The following SPIN1 variants were observed in gnomAD, a reference collection of about 807,000 sequenced individuals.
SPIN1 encodes spindlin 1.
Under a neutral mutation model 26.0 loss-of-function variants are expected in SPIN1, and 3 were observed. That is an observed-to-expected ratio of 0.12 (90% CI 0.05 to 0.30). The LOEUF (loss-of-function observed/expected upper bound fraction) is 0.30. Among genes scored for constraint, SPIN1 ranks in the 10% least tolerant of loss-of-function variants. SPIN1 has a pLI of 1.00. For synonymous variants in SPIN1, 101 were observed against 116.5 expected, an observed-to-expected ratio of 0.87 and a Z score of 0.86; for missense variants, 126 against 333.4, an observed-to-expected ratio of 0.38 and a Z score of 4.84.
At chr9:88,438,394 CGTT>C (rs1564032866) in intron 2 of SPIN1, among the ~76,000 whole-genome samples, 1 of 152,072 alleles carries the variant, frequency 6.6e-6, no homozygotes, top group Non-Finnish European at 1.5e-5. Context: ...AGTTTAATTA[CGTT>C]GTTGTATGAC....
intron 1 of SPIN1, chr9:88,411,245 T>C: frequency 8.7e-7 from 1 of 1,144,546 alleles, no homozygotes; most frequent in Non-Finnish European, 1.3e-6. Flanking sequence ...TGGCCTTGCA[T>C]TCATGGCTGC....
intron 1 of SPIN1, among the ~76,000 whole-genome samples, chr9:88,403,673 C>T (rs1219512409): frequency 3.3e-5 from 5 of 152,148 alleles, no homozygotes; most frequent in African/African-American, 4.8e-5. Flanking sequence ...CTGATCATAC[C>T]GCTGCACTTA....
intron 1 of SPIN1, among the ~76,000 whole-genome samples, chr9:88,420,297 C>T (rs138125551): frequency 2.6e-5 from 4 of 152,358 alleles, no homozygotes; most frequent in African/African-American, 7.2e-5. Flanking sequence ...ATAACTTGAA[C>T]CTGGGAGGCG....
chr9:88,399,522 A>T lies in SPIN1; in HGVS notation c.-159+10984A>T, dbSNP rs527579119. ...TTCCTGCTTGTGTGGGTGGCCTGTA[A>T]GAGTTGGATCCTTGGCAAATGTAGC... On this transcript the variant is annotated intron_variant, in intron 1 of 5. Transcript: ENST00000375859. Among the ~76,000 whole-genome samples the T allele has an allele frequency of 1.8e-4, 27 of 152,224 alleles. No homozygotes were observed. In the South Asian group the frequency reaches 5.2e-3, roughly 29 times the overall value.
chr9:88,410,113 T>C (rs1827404813), intron 1 of SPIN1, among the ~76,000 whole-genome samples: 1 of 152,040 alleles, frequency 6.6e-6, no homozygotes, highest in Admixed American at 6.6e-5. Flanking sequence ...CCTGTCTCTC[T>C]GATACCTTAC....
Position 88,476,719 on chromosome 9 carries a change from A to G in SPIN1, c.*1442A>G, listed in dbSNP as rs1828894984. The G allele has an allele frequency of 6.6e-6, 1 of 152,230 alleles. No individual in the cohort carries two copies. The highest frequency in any genetic ancestry group is 1.5e-5 in the Non-Finnish European group (1 of 68,050). 9.4% of individuals were successfully genotyped at this position (152,230 alleles called of 1,614,324 possible). A position where few individuals can be genotyped will look rare whatever the true frequency, so the allele number is the denominator to read the frequency against. On this transcript the variant is annotated 3_prime_UTR_variant, in exon 6 of 6. Transcript: ENST00000375859. ...TGCTAGTGTGATTGGTTGATCAGCA[A>G]AACAGCTGCTCTCATTTTGTTTTGG...
intron 1 of SPIN1, among the ~76,000 whole-genome samples, chr9:88,421,038 T>G (rs1381762454): frequency 6.6e-6 from 1 of 152,240 alleles, no homozygotes; most frequent in East Asian, 1.9e-4. Context: ...TTAAGATCCT[T>G]AAACCACATT....
intron 5 of SPIN1, among the ~76,000 whole-genome samples, chr9:88,469,160 A>G (rs768755122): frequency 2.0e-5 from 3 of 152,150 alleles, no homozygotes; most frequent in East Asian, 1.9e-4. Flanking sequence ...TTAGATTCCC[A>G]TAAGGAACAC....
At position 88,423,434 on chromosome 9, in the gene SPIN1, T is replaced by TTTTGTTTG. The variant is rs141940848; in HGVS notation, c.-158-2932_-158-2925dup. On this transcript the variant is annotated intron_variant, in intron 1 of 5. Transcript: ENST00000375859. ...AATACTACATTATGGTTTGTGGGTT[T>TTTTGTTTG]TTTGTTTGTTTGTTTGTTTGTTTTG... Among the ~76,000 whole-genome samples, 368 of 151,756 alleles carry TTTTGTTTG rather than the reference T, an allele frequency of 2.4e-3. 1 individual carries two copies. The highest frequency in any genetic ancestry group is 3.0e-3 in the Non-Finnish European group (207 of 67,966).
chr9:88,435,181 C>G (rs1587796710), intron 2 of SPIN1, among the ~76,000 whole-genome samples: 1 of 151,870 alleles, frequency 6.6e-6, no homozygotes, highest in East Asian at 1.9e-4. Flanking sequence ...AGATTGCCCT[C>G]CATCGACTCT....
chr9:88,465,274 GT>G (rs1293338420), intron 4 of SPIN1, among the ~76,000 whole-genome samples: 1 of 152,160 alleles, frequency 6.6e-6, no homozygotes, highest in Non-Finnish European at 1.5e-5. Flanking sequence ...GCTTTCAGTT[GT>G]TTTGGATATA....
intron 1 of SPIN1, among the ~76,000 whole-genome samples, chr9:88,392,905 T>C (rs1386907206): frequency 6.6e-6 from 1 of 152,168 alleles, no homozygotes; most frequent in Non-Finnish European, 1.5e-5. Flanking sequence ...AAATTCTGCA[T>C]GTAACATTAA....
chr9:88,417,539 C>T (rs962027540), intron 1 of SPIN1, among the ~76,000 whole-genome samples: 1 of 151,184 alleles, frequency 6.6e-6, no homozygotes, highest in African/African-American at 2.4e-5. Context: ...GTGGTGTGAT[C>T]TCGGCCCACT....
chr9:88,392,652 C>T (rs1826953224), intron 1 of SPIN1, among the ~76,000 whole-genome samples: 1 of 151,950 alleles, frequency 6.6e-6, no homozygotes, highest in Non-Finnish European at 1.5e-5. Flanking sequence ...CCCTCTTTTT[C>T]TACCTATCTA....
At chr9:88,459,852 T>C (rs1219459103) in intron 3 of SPIN1, among the ~76,000 whole-genome samples, 1 of 152,202 alleles carries the variant, frequency 6.6e-6, no homozygotes, top group Non-Finnish European at 1.5e-5. Context: ...TGAAGGTCAG[T>C]GTACCTTCTT....
Position 88,475,593 on chromosome 9 carries a change from A to C in SPIN1, c.*316A>C, listed in dbSNP as rs1587820663. ...CTTAACCATTTTCCCCCTCACCCTA[A>C]CTCTCTTATTCTGCCGCCACAATGC... On this transcript the variant is annotated 3_prime_UTR_variant, in exon 6 of 6. Transcript: ENST00000375859. 4.6e-6 allele frequency: 1 copy of C among 217,436 alleles called. No individual in the cohort carries two copies. The highest frequency in any genetic ancestry group is 9.2e-6 in the Non-Finnish European group (1 of 108,230). 13.5% of individuals were successfully genotyped at this position (217,436 alleles called of 1,614,324 possible). A position where few individuals can be genotyped will look rare whatever the true frequency, so the allele number is the denominator to read the frequency against.
At chr9:88,396,887 C>G (rs1827073951) in intron 1 of SPIN1, among the ~76,000 whole-genome samples, 2 of 152,016 alleles carry the variant, frequency 1.3e-5, no homozygotes, top group Admixed American at 1.3e-4. Flanking sequence ...TATTGGAACA[C>G]AGTGCTGTGT....
At chr9:88,464,155 A>G (rs1828617907) in intron 4 of SPIN1, among the ~76,000 whole-genome samples, 1 of 152,244 alleles carries the variant, frequency 6.6e-6, no homozygotes, top group Admixed American at 6.5e-5. Context: ...GCAATATAAA[A>G]AGAAACCCAA....
chr9:88,396,048 A>G (rs111819543), intron 1 of SPIN1, among the ~76,000 whole-genome samples: 2 of 151,362 alleles, frequency 1.3e-5, no homozygotes, highest in Admixed American at 1.3e-4. Context: ...CTCCGTCTCA[A>G]AAACAACAGC....
Sources: allele counts gnomAD v4.1 joint callset (sites outside exome capture counted in the v4.1 genomes callset), GRCh38; gene constraint gnomAD v4.1.1; transcripts MANE v1.5; gene names NCBI Gene and HGNC (gene_info 2026-07-23, HGNC 2026-07-21).